Variants in OVCH2 observed in about 807,000 individuals in gnomAD.
The protein encoded by OVCH2 is ovochymase-2.
Under a neutral mutation model 73.7 loss-of-function variants are expected in OVCH2, and 88 were observed. The ratio of observed to expected loss-of-function variants is 1.19; its 90% CI spans 1.01 to 1.43. The LOEUF (loss-of-function observed/expected upper bound fraction) is 1.43, where lower values mean the gene tolerates loss of function less well. Ranked by LOEUF, OVCH2 falls within the 40% of genes most tolerant of loss-of-function variation. The probability of loss-of-function intolerance (pLI) is 0.00; values close to 1 mark genes in which losing one functional copy is unlikely to be tolerated. For missense variants in OVCH2, 706 were observed against 674.5 expected (o/e 1.05, Z -0.52); for synonymous variants, 265 against 234.5 (o/e 1.13, Z -1.19).
rs377183271 is a variant in OVCH2 at position 7,700,425 on chromosome 11, C to T, written c.772G>A (p.Val258Met). The change falls in exon 7 of 16, where the codon GTG (valine) becomes ATG (methionine). Residue 258 changes from valine to methionine, a missense_variant. Val to Met is a conservative substitution (Grantham distance 21, BLOSUM62 1). Coordinates refer to ENST00000533663, the MANE Select transcript of OVCH2 (RefSeq NM_198185.7). The stretch of plus-strand genomic sequence containing the variant: ...CCACAGCCCAAACCCCAGGAAGTCA[C>T]ACCAGCCAGAGTCCAGGCCCCTTTC... ...NKKGAWTLAG[V>M]TSWGLGCGRG... 1.2e-5 allele frequency: 19 copies of T among 1,612,582 alleles called. No individual in the cohort carries two copies. The highest frequency in any genetic ancestry group is 2.2e-5 in the East Asian group (1 of 44,816).
Position 7,702,457 on chromosome 11 carries a change from G to C in OVCH2, c.291-128C>G, listed in dbSNP as rs1398434142. ...ATGGGGTGTGAGGCTGCTGAGCAGAGAAAGTGAGAATAATTCCAACACTGT... is the reference window on the plus strand; with the variant it reads ...ATGGGGTGTGAGGCTGCTGAGCAGACAAAGTGAGAATAATTCCAACACTGT... On this transcript the variant is annotated intron_variant, in intron 3 of 15. Coordinates refer to ENST00000533663, the MANE Select transcript of OVCH2 (RefSeq NM_198185.7). 44 of 728,974 alleles carry C rather than the reference G, an allele frequency of 6.0e-5. No homozygotes were observed. In the South Asian group the frequency reaches 9.5e-4, roughly 16 times the overall value. The allele number at this position is 728,974 out of a possible 1,614,324, so 45.2% of individuals were successfully genotyped here. A position where few individuals can be genotyped will look rare whatever the true frequency, so the allele number is the denominator to read the frequency against.
intron 12 of OVCH2, among the ~76,000 whole-genome samples, 187 bp downstream of exon 12, chr11:7,694,871 G>A (rs986893191): frequency 4.8e-5 from 7 of 146,452 alleles, no homozygotes; most frequent in Non-Finnish European, 8.9e-5. Flanking sequence ...ATGTGTAGTT[G>A]CAGGGGAAAC....
chr11:7,692,626 C>T (rs756282126), intron 12 of OVCH2, among the ~76,000 whole-genome samples: 2 of 152,086 alleles, frequency 1.3e-5, no homozygotes, highest in Non-Finnish European at 2.9e-5. Context: ...TAAGTGGGCT[C>T]GGAGTCAAAT....
intron 13 of OVCH2, 88 bp downstream of exon 13, chr11:7,691,814 G>A (rs1027803560): frequency 2.0e-6 from 2 of 999,036 alleles, no homozygotes; most frequent in Non-Finnish European, 3.0e-6. Flanking sequence ...GGAAGATGGA[G>A]GAAGATTGAT....
At chr11:7,686,300 G>A (rs1014561970), downstream of OVCH2, among the ~76,000 whole-genome samples, 3 of 152,142 alleles carry the variant, frequency 2.0e-5, no homozygotes, top group Non-Finnish European at 2.9e-5. Flanking sequence ...ACCTCTTAGG[G>A]TCATAAGATG....
intron 1 of OVCH2, among the ~76,000 whole-genome samples, chr11:7,705,047 A>AC (rs1856507916): frequency 6.6e-6 from 1 of 152,158 alleles, no homozygotes; most frequent in Non-Finnish European, 1.5e-5. Flanking sequence ...AAAGATGTTT[A>AC]ACATCACCTG....
intron 10 of OVCH2, among the ~76,000 whole-genome samples, 152 bp from the exon 11 acceptor site, chr11:7,695,862 CTTCT>C (rs1353379964): frequency 6.6e-6 from 1 of 152,142 alleles, no homozygotes; most frequent in Admixed American, 6.5e-5. Context: ...GAGCCAGAAC[CTTCT>C]TTGTGTTCTT....
intron 11 of OVCH2, 28 bp downstream of exon 11, chr11:7,695,541 AG>A: frequency 1.3e-6 from 2 of 1,584,610 alleles, no homozygotes; most frequent in Non-Finnish European, 1.7e-6. Context: ...AGGTGGAGAT[AG>A]TATGTGATTA....
chr11:7,699,397 T>A (rs1349562080), intron 7 of OVCH2: 1 of 152,410 alleles, frequency 6.6e-6, no homozygotes, highest in Non-Finnish European at 1.5e-5. Context: ...GATGCTCAAA[T>A]CCTTAGATTA....
In OVCH2 at chr11:7,700,397, C is replaced by A. The variant is rs180923137; in HGVS notation, c.800G>T (p.Arg267Leu). 6.2e-7 allele frequency: 1 copy of A among 1,613,214 alleles called. No individual in the cohort carries two copies. The highest frequency in any genetic ancestry group is 1.7e-5 in the Admixed American group (1 of 59,886). The change falls in exon 7 of 16, where the codon CGA (arginine) becomes CTA (leucine). Residue 267 changes from arginine to leucine, a missense_variant. Coordinates refer to ENST00000533663, the MANE Select transcript of OVCH2 (RefSeq NM_198185.7). The stretch of plus-strand genomic sequence containing the variant: ...TTTCCTCACATTGTTTCTCCAGCCT[C>A]GACCACAGCCCAAACCCCAGGAAGT... Reference protein sequence around the residue: ...GVTSWGLGCGRGWRNNVRKSD... With the variant: ...GVTSWGLGCGLGWRNNVRKSD...
At chr11:7,700,232 G>T in intron 7 of OVCH2, 64 bp downstream of exon 7, 1 of 1,516,084 alleles carries the variant, frequency 6.6e-7, no homozygotes, top group Non-Finnish European at 9.0e-7. Context: ...CCAGGACTCT[G>T]CTGATGCTGT....
In OVCH2 at chr11:7,695,094, G is replaced by A. The variant is rs199769013; in HGVS notation, c.1377C>T (p.Asp459=). The A allele has an allele frequency of 1.7e-4, 263 of 1,551,246 alleles. No homozygotes were observed. The highest frequency in any genetic ancestry group is 2.6e-5 in the Non-Finnish European group (30 of 1,146,964). ...PENYSDKANC[D]WIFQASKHHL... ...GATGTTTGGAGGCTTGAAAAATCCA[G>A]TCACAGTTAGCCTTGTCACTGTAGT... Residue 459 remains aspartate (D), a synonymous_variant, in exon 12 of 16, where the codon GAC becomes GAT. Transcript: ENST00000533663.
At chr11:7,696,350 CG>C in intron 10 of OVCH2, 114 bp downstream of exon 10, 1 of 1,406,372 alleles carries the variant, frequency 7.1e-7, no homozygotes. Context: ...AGTCTCAAAG[CG>C]GAAGTCAAGA....
chr11:7,701,716 C>G lies in OVCH2; in HGVS notation c.559G>C (p.Gly187Arg). Residue 187 changes from glycine (G) to arginine (R), a missense_variant and splice_region_variant, in exon 5 of 16, where the codon GGT (glycine) becomes CGT (arginine). Gly to Arg is a moderately radical substitution (Grantham distance 125). Coordinates refer to ENST00000533663, the MANE Select transcript of OVCH2 (RefSeq NM_198185.7). Reference sequence around the variant, plus strand: ...AGAGGAATGGCACACAAGTTCTTACCTTCAGTTAAGCGGCCCCAGCCTGCA... The same window carrying G: ...AGAGGAATGGCACACAAGTTCTTACGTTCAGTTAAGCGGCCCCAGCCTGCA... ...TTAGWGRLTE[G>R]GVLSQVLQEV... 1 of 1,610,522 alleles carries G rather than the reference C, an allele frequency of 6.2e-7. No homozygotes were observed. The highest frequency in any genetic ancestry group is 8.5e-7 in the Non-Finnish European group (1 of 1,178,538).
intron 6 of OVCH2, among the ~76,000 whole-genome samples, chr11:7,700,798 T>C (rs1426400780): frequency 6.6e-6 from 1 of 152,206 alleles, no homozygotes; most frequent in Non-Finnish European, 1.5e-5. Context: ...ACTTCAGGCC[T>C]TGGTTAGTAG....
At chr11:7,701,670 G>C (rs771786335) in intron 5 of OVCH2, 46 bp downstream of exon 5, 2 of 1,561,846 alleles carry the variant, frequency 1.3e-6, no homozygotes, top group Non-Finnish European at 1.7e-6. Flanking sequence ...TTGCCCACCA[G>C]AAAGTTCTGA....
chr11:7,683,281 G>A, the OVCH2 span, among the ~76,000 whole-genome samples: 2 of 151,738 alleles, frequency 1.3e-5, no homozygotes, highest in Non-Finnish European at 2.9e-5. Flanking sequence ...TCCCCGCCCC[G>A]ACCCCAAATT....
intron 8 of OVCH2, among the ~76,000 whole-genome samples, chr11:7,697,247 C>T (rs940495082): frequency 2.0e-5 from 3 of 152,128 alleles, no homozygotes; most frequent in African/African-American, 7.2e-5. Flanking sequence ...CACTTTGTTG[C>T]CTAGGCTTGG....
intron 14 of OVCH2, 147 bp from the exon 15 acceptor site, chr11:7,690,160 G>A (rs915770343): frequency 6.7e-6 from 4 of 595,520 alleles, no homozygotes; most frequent in South Asian, 2.4e-5. Context: ...TGAGGAGTGG[G>A]GCATTTTAAC....
Sources: allele counts gnomAD v4.1 joint callset (sites outside exome capture counted in the v4.1 genomes callset), GRCh38; gene constraint gnomAD v4.1.1; transcripts MANE v1.5; gene names NCBI Gene and HGNC (gene_info 2026-07-23, HGNC 2026-07-21).